Variants in COL6A1 observed in about 807,000 individuals in gnomAD.
COL6A1 encodes the protein collagen alpha-1(VI) chain.
A neutral mutation model predicts 145.6 loss-of-function variants in COL6A1; 80 were observed. The ratio of observed to expected loss-of-function variants is 0.55; its 90% CI spans 0.46 to 0.66. COL6A1 has a LOEUF of 0.66. Ranked by LOEUF, COL6A1 falls within the 30% of genes least tolerant of loss-of-function variation. The pLI, the probability that COL6A1 is intolerant of heterozygous loss-of-function variation, is 0.00. For missense variants in COL6A1, 1,364 were observed against 1,473.8 expected, an observed-to-expected ratio of 0.93 and a Z score of 1.22; for synonymous variants, 638 against 622.8, an observed-to-expected ratio of 1.02 and a Z score of -0.36.
In COL6A1 at chr21:45,986,353, C is replaced by T. The variant is rs145622476; in HGVS notation, c.429-173C>T. 2.5e-3 allele frequency among the ~76,000 whole-genome samples: 378 copies of T among 152,256 alleles called. 1 individual carries two copies. The highest frequency in any genetic ancestry group is 8.6e-3 in the African/African-American group (359 of 41,548). ...AGTTTAGAGAAATGAGACCCACAGG[C>T]GTTATTTCCCATGGTGAGGTTCTTT... On this transcript the variant is annotated intron_variant, in intron 3 of 34. Transcript: ENST00000361866.
At chr21:45,997,613 G>T in intron 21 of COL6A1, 87 bp from the exon 22 acceptor site, 1 of 1,544,472 alleles carries the variant, frequency 6.5e-7, no homozygotes. Flanking sequence ...CTCCCGATGG[G>T]ACCTCTCCCG....
chr21:45,985,665 G>A (rs528931261), intron 3 of COL6A1, among the ~76,000 whole-genome samples: 1 of 152,216 alleles, frequency 6.6e-6, no homozygotes, highest in African/African-American at 2.4e-5. Context: ...AGCCCTTCAC[G>A]AGGCCTCAGG....
Position 45,996,989 on chromosome 21 carries a change from G to A in COL6A1, c.1399-432G>A, listed in dbSNP as rs75200965. 3.8e-3 allele frequency among the ~76,000 whole-genome samples: 576 copies of A among 152,296 alleles called. 3 individuals carry two copies. The highest frequency in any genetic ancestry group is 0.013 in the African/African-American group (558 of 41,566). ...GGGACCATGAGGGAGGGCAGTCTGG[G>A]GCCACTCTGATAGGAGAAGGGGCAG... is the stretch of plus-strand genomic sequence containing the variant. On this transcript the variant is annotated intron_variant, in intron 20 of 34. Transcript: ENST00000361866.
In COL6A1 at chr21:45,987,055, AC is replaced by A; in HGVS notation, c.702del (p.Ile235SerfsTer4). 1 of 1,554,618 alleles carries A rather than the reference AC, an allele frequency of 6.4e-7. No homozygotes were observed. The highest frequency in any genetic ancestry group is 8.7e-7 in the Non-Finnish European group (1 of 1,149,472). On this transcript the variant is annotated frameshift_variant, in exon 5 of 35. Transcript: ENST00000361866. LOFTEE classifies it high-confidence loss of function. ...GGAGGCCATCAGCCAGACCATCGAC[AC>A]CATCGTGGACATGATCGTGAGGCCC... ...AEEAISQTID[T>X]IVDMIKNNVE...
intron 34 of COL6A1, 111 bp downstream of exon 34, chr21:46,003,260 G>T (rs542735405): frequency 1.2e-6 from 2 of 1,604,206 alleles, no homozygotes; most frequent in Non-Finnish European, 1.7e-6. Flanking sequence ...GAGAGTAGGT[G>T]CATGGCTCAC....
intron 24 of COL6A1, among the ~76,000 whole-genome samples, 187 bp from the exon 25 acceptor site, chr21:45,998,710 C>T (rs1029416036): frequency 6.6e-6 from 1 of 152,224 alleles, no homozygotes; most frequent in African/African-American, 2.4e-5. Context: ...CAGGCCCAGC[C>T]CCAGAGGCCG....
rs778233882 is a variant in COL6A1, at chr21:46,001,942, C to G, written c.1957-19C>G. 4 of 1,608,076 alleles carry G rather than the reference C, an allele frequency of 2.5e-6. No homozygotes were observed. On this transcript the variant is annotated intron_variant, in intron 30 of 34. Coordinates refer to ENST00000361866, the MANE Select transcript of COL6A1 (RefSeq NM_001848.3). ...CCTGGGGCAGCACTCGCGTCCTGAC[C>G]CCGGTGCCGGTCCCACAGTTCGAGC...
rs2077836499 is a variant in COL6A1, at chr21:46,000,370, G to A, written c.1813+3G>A. 1.9e-6 allele frequency: 3 copies of A among 1,613,954 alleles called. No homozygotes were observed. The highest frequency in any genetic ancestry group is 2.5e-6 in the Non-Finnish European group (3 of 1,179,886). On this transcript the variant is annotated splice_donor_region_variant and intron_variant, in intron 28 of 34. Transcript: ENST00000361866. ...GGACATCATCATGAAAATGTGCTGT[G>A]AGTATCTCTGAGAAGCCGTCCTCGT...
intron 29 of COL6A1, 99 bp downstream of exon 29, chr21:46,000,866 G>C (rs1246195081): frequency 6.9e-7 from 1 of 1,440,334 alleles, no homozygotes; most frequent in Non-Finnish European, 9.8e-7. Context: ...TGGCACTCTG[G>C]TCCCCGCCCG....
chr21:46,004,216 G>A lies in COL6A1; in HGVS notation c.*203G>A. On this transcript the variant is annotated 3_prime_UTR_variant, in exon 35 of 35. Transcript: ENST00000361866. ...GCTCAGCCCTGAGTTGGCATCACCT[G>A]CGCAGGGCCCTCTGGGGCTCAGCCC... The A allele has an allele frequency of 1.5e-6, 1 of 676,834 alleles. No homozygotes were observed. The highest frequency in any genetic ancestry group is 1.9e-5 in the South Asian group (1 of 52,912). The allele number at this position is 676,834 out of a possible 1,614,324, so 41.9% of individuals were successfully genotyped here.
chr21:45,983,116 C>G (rs1175429493), intron 2 of COL6A1, among the ~76,000 whole-genome samples: 1 of 152,248 alleles, frequency 6.6e-6, no homozygotes, highest in Non-Finnish European at 1.5e-5. Context: ...GGCCCAGACA[C>G]GCAGTCCTGC....
At chr21:45,982,061 C>A in intron 1 of COL6A1, 114 bp downstream of exon 1, 1 of 873,566 alleles carries the variant, frequency 1.1e-6, no homozygotes, top group Non-Finnish European at 1.8e-6. Context: ...GGCCTGGAGC[C>A]CCTGAACCCC....
In COL6A1 at chr21:46,002,685, G is replaced by A; in HGVS notation, c.2409G>A (p.Lys803=). Residue 803 remains lysine (K), a synonymous_variant, in exon 33 of 35, where the codon AAG becomes AAA. Transcript: ENST00000361866. ...AGCTGCTGGAGGATGCCTTCCTGAA[G>A]AATGTCACCGCCCAGATCTGCATAG... ...YAELLEDAFL[K]NVTAQICIDK... 1.2e-6 allele frequency: 2 copies of A among 1,613,586 alleles called. No homozygotes were observed. The highest frequency in any genetic ancestry group is 1.7e-6 in the Non-Finnish European group (2 of 1,179,872).
Position 45,994,291 on chromosome 21 carries a change from C to G in COL6A1, c.1398+62C>G. 1 of 1,479,558 alleles carries G rather than the reference C, an allele frequency of 6.8e-7. No individual in the cohort carries two copies. The highest frequency in any genetic ancestry group is 1.9e-5 in the Admixed American group (1 of 52,834). 91.7% of individuals were successfully genotyped at this position (1,479,558 alleles called of 1,614,324 possible). A position where few individuals can be genotyped will look rare whatever the true frequency, so the allele number is the denominator to read the frequency against. Reference sequence around the variant, plus strand: ...TTTGGGTTTTGGGGGTAGAAGTGCTCCAGCAGCTCACGCACTGGGGGTCTG... The same window carrying G: ...TTTGGGTTTTGGGGGTAGAAGTGCTGCAGCAGCTCACGCACTGGGGGTCTG... On this transcript the variant is annotated intron_variant, in intron 20 of 34. Coordinates refer to ENST00000361866, the MANE Select transcript of COL6A1 (RefSeq NM_001848.3). The surrounding 1 kb of genome is among the most constrained non-coding windows in gnomAD (Gnocchi z 6.8).
rs371785147 is a variant in COL6A1 at position 45,992,409 on chromosome 21, C to T, written c.1272+11C>T. 4.8e-5 allele frequency: 78 copies of T among 1,611,962 alleles called. No individual in the cohort carries two copies. The highest frequency in any genetic ancestry group is 6.4e-5 in the Non-Finnish European group (76 of 1,179,506). On this transcript the variant is annotated intron_variant, in intron 18 of 34. Transcript: ENST00000361866. ...GCCCCCGGGGAGCGGGTGAGTGGGG[C>T]AGGGGCAGCCTGCGCTGTTGGCCTC...
chr21:45,990,715 A>G (rs1203897452), intron 13 of COL6A1, 58 bp from the exon 14 acceptor site: 11 of 1,495,564 alleles, frequency 7.4e-6, no homozygotes, highest in East Asian at 6.8e-5. Flanking sequence ...CTGACAGTTG[A>G]TTGGCCTCAG....
At chr21:45,993,828 G>GCAGCT (rs1454479904) in intron 19 of COL6A1, among the ~76,000 whole-genome samples, 1 of 152,236 alleles carries the variant, frequency 6.6e-6, no homozygotes, top group Non-Finnish European at 1.5e-5. Flanking sequence ...GGCCAGCCAC[G>GCAGCT]CAGCTCCAGC....
intron 21 of COL6A1, 57 bp downstream of exon 21, chr21:45,997,540 C>T: frequency 6.4e-7 from 1 of 1,568,002 alleles, no homozygotes; most frequent in Non-Finnish European, 8.8e-7. Flanking sequence ...GGATCCAGAA[C>T]CCACTGTCTG....
intron 26 of COL6A1, 138 bp from the exon 27 acceptor site, chr21:45,999,519 A>G: frequency 1.1e-6 from 1 of 951,966 alleles, no homozygotes; most frequent in South Asian, 1.4e-5. Flanking sequence ...TCACTGGAGG[A>G]CGAGGGGCTG....
Sources: allele counts gnomAD v4.1 joint callset (sites outside exome capture counted in the v4.1 genomes callset), GRCh38; gene constraint gnomAD v4.1.1; non-coding constraint Gnocchi (gnomAD v3.1); transcripts MANE v1.5; gene names NCBI Gene and HGNC (gene_info 2026-07-23, HGNC 2026-07-21).